The following MUSK variants were observed in gnomAD, a reference collection of about 807,000 sequenced individuals.
The protein encoded by MUSK is muscle, skeletal receptor tyrosine-protein kinase.
Under a neutral mutation model 88.7 loss-of-function variants are expected in MUSK, and 55 were observed. That is an observed-to-expected ratio of 0.62 (90% CI 0.50 to 0.78). MUSK has a LOEUF of 0.78. Ranked by LOEUF, MUSK falls within the 30% of genes least tolerant of loss-of-function variation. MUSK has a pLI of 0.00. For missense variants in MUSK, 1,015 were observed against 1,074.3 expected (o/e 0.94, Z 0.77); for synonymous variants, 387 against 391.9 (o/e 0.99, Z 0.15).
chr9:110,798,854 T>C (rs755073377), intron 14 of MUSK, among the ~76,000 whole-genome samples: 4 of 152,142 alleles, frequency 2.6e-5, no homozygotes, highest in Non-Finnish European at 5.9e-5. Context: ...TTCATAATAA[T>C]CACAAAGTAG....
chr9:110,788,396 C>T (rs1018764397), intron 14 of MUSK, among the ~76,000 whole-genome samples: 2 of 151,766 alleles, frequency 1.3e-5, no homozygotes, highest in Non-Finnish European at 2.9e-5. Context: ...CTTTAGGAGG[C>T]CGAGGCAGGC....
At chr9:110,760,198 T>C (rs2077378094) in intron 7 of MUSK, among the ~76,000 whole-genome samples, 1 of 152,142 alleles carries the variant, frequency 6.6e-6, no homozygotes, top group Admixed American at 6.5e-5. Context: ...GACCCAGCAA[T>C]TCCGCTACTG....
At chr9:110,726,950 A>T (rs2076893293) in intron 5 of MUSK, among the ~76,000 whole-genome samples, 1 of 152,120 alleles carries the variant, frequency 6.6e-6, no homozygotes, top group Non-Finnish European at 1.5e-5. Context: ...CCTAATGTCC[A>T]GATGACCAGT....
intron 13 of MUSK, among the ~76,000 whole-genome samples, chr9:110,786,812 C>T (rs1339799857): frequency 6.6e-6 from 1 of 152,178 alleles, no homozygotes; most frequent in Non-Finnish European, 1.5e-5. Context: ...TCCACAGACA[C>T]ACAGCTGAGC....
chr9:110,746,129 G>A (rs1391252825), intron 6 of MUSK, among the ~76,000 whole-genome samples: 6 of 152,220 alleles, frequency 3.9e-5, no homozygotes, highest in African/African-American at 9.6e-5. Flanking sequence ...AACATGGGAC[G>A]TACCTCCACT....
chr9:110,784,082 T>G (rs1009614248), intron 11 of MUSK, among the ~76,000 whole-genome samples: 5 of 152,134 alleles, frequency 3.3e-5, no homozygotes, highest in African/African-American at 9.6e-5. Context: ...TCTCTATTTT[T>G]GGGTACAAAG....
chr9:110,726,595 T>A (rs180964662), intron 5 of MUSK, among the ~76,000 whole-genome samples: 30 of 152,158 alleles, frequency 2.0e-4, no homozygotes, highest in African/African-American at 6.3e-4. Flanking sequence ...AGTTTACTGA[T>A]ACTCTTTAAC....
intron 5 of MUSK, among the ~76,000 whole-genome samples, chr9:110,709,283 TA>T (rs1484060640): frequency 6.6e-6 from 1 of 152,204 alleles, no homozygotes; most frequent in Non-Finnish European, 1.5e-5. Flanking sequence ...AACAACAAAC[TA>T]TACAAGGCAT....
At chr9:110,681,061 A>ATATATTATATATAT (rs1564209626) in intron 1 of MUSK, among the ~76,000 whole-genome samples, 1 of 24,164 alleles carries the variant, frequency 4.1e-5, no homozygotes, top group African/African-American at 2.4e-4. Flanking sequence ...TATATATTAT[A>ATATATTATATATAT]TATATAATAT....
intron 11 of MUSK, among the ~76,000 whole-genome samples, chr9:110,782,960 A>C (rs1165196793): frequency 6.6e-6 from 1 of 152,154 alleles, no homozygotes; most frequent in East Asian, 1.9e-4. Context: ...CTTCAGAATC[A>C]CTTGCTTAGC....
intron 1 of MUSK, among the ~76,000 whole-genome samples, chr9:110,680,773 T>G (rs1377936787): frequency 6.7e-6 from 1 of 150,232 alleles, no homozygotes; most frequent in Non-Finnish European, 1.5e-5. Context: ...TGAAAAATTA[T>G]CAGCCATTTA....
At chr9:110,768,402 A>G (rs2077517937) in intron 9 of MUSK, among the ~76,000 whole-genome samples, 1 of 152,196 alleles carries the variant, frequency 6.6e-6, no homozygotes, top group African/African-American at 2.4e-5. Flanking sequence ...AGGCTGAGGC[A>G]GGAGAATCAC....
chr9:110,705,759 TGG>T (rs2076590424), intron 5 of MUSK, among the ~76,000 whole-genome samples: 1 of 152,208 alleles, frequency 6.6e-6, no homozygotes. Context: ...CTCAGTCATC[TGG>T]GAGGCAGAAG....
chr9:110,689,668 G>GT (rs373221259), intron 3 of MUSK, among the ~76,000 whole-genome samples: 6 of 7,830 alleles, frequency 7.7e-4, no homozygotes, highest in African/African-American at 4.6e-3. Flanking sequence ...AATATACATA[G>GT]TATATTATAT....
intron 5 of MUSK, among the ~76,000 whole-genome samples, chr9:110,701,536 G>C (rs117449338): frequency 0.057 from 8,627 of 151,780 alleles, 279 homozygotes; most frequent in East Asian, 0.089. Flanking sequence ...GCTCAGGCTG[G>C]AGTGCAATGG....
At chr9:110,695,317 T>C (rs1368432695) in intron 3 of MUSK, 86 bp from the exon 4 acceptor site, 3 of 938,718 alleles carry the variant, frequency 3.2e-6, no homozygotes, top group Non-Finnish European at 4.5e-6. Context: ...TCAAAACAGA[T>C]GTTTAGAATT....
intron 3 of MUSK, among the ~76,000 whole-genome samples, chr9:110,689,442 A>G (rs1258379465): frequency 9.1e-6 from 1 of 110,448 alleles, no homozygotes; most frequent in Admixed American, 1.1e-4. Context: ...AAATATTAAA[A>G]TATGTAAAAA....
In MUSK at chr9:110,804,014, A is replaced by G. The variant is rs1454091398; in HGVS notation, c.*3026A>G. Among the ~76,000 whole-genome samples, 1 of 152,278 alleles carries G rather than the reference A, an allele frequency of 6.6e-6. No homozygotes were observed. Among genetic ancestry groups the G allele is most frequent in the African/African-American group, 2.4e-5 (1 of 41,560 alleles). On this transcript the variant is annotated 3_prime_UTR_variant, in exon 15 of 15. Transcript: ENST00000374448. ...TATTTTTCACATGACACCCAAAAAC[A>G]TATTCTCTGCTATCGTGGTAGAGCA...
Position 110,668,978 on chromosome 9 carries a change from C to T in MUSK, c.74C>T (p.Pro25Leu), listed in dbSNP as rs1332419631. The T allele has an allele frequency of 1.9e-6, 3 of 1,613,026 alleles. No homozygotes were observed. The South Asian group carries it at 3.3e-5, about 18-fold the overall frequency. The change falls in exon 1 of 15, where the codon CCA (proline) becomes CTA (leucine). Residue 25 changes from proline to leucine, a missense_variant. By Grantham distance (98) the Pro-to-Leu change is moderately conservative. Transcript: ENST00000374448. ...GCCTTCAGCGGAACTGAGAAACTTCCAAAAGGTTGGTTTGAGCAATCGTGT... is the reference window on the plus strand; with the variant it reads ...GCCTTCAGCGGAACTGAGAAACTTCTAAAAGGTTGGTTTGAGCAATCGTGT... ...LVAFSGTEKL[P>L]KAPVITTPLE... is the part of the protein sequence containing the mutation.
Sources: gnomAD v4.1 joint callset for allele counts (sites outside exome capture counted in the v4.1 genomes callset) on GRCh38, gnomAD v4.1.1 for gene constraint, MANE v1.5 for transcripts, NCBI Gene and HGNC (gene_info 2026-07-23, HGNC 2026-07-21) for gene names.